The following CDH13 variants were observed in gnomAD, a reference collection of about 807,000 sequenced individuals.
The protein encoded by CDH13 is cadherin 13.
CDH13 carries 24 observed loss-of-function variants against 63.8 expected under a neutral mutation model. That is an observed-to-expected ratio of 0.38 (90% CI 0.27 to 0.53). CDH13 has a LOEUF of 0.53. Among genes scored for constraint, CDH13 ranks in the 20% least tolerant of loss-of-function variants. The probability of loss-of-function intolerance (pLI) is 0.85; values close to 1 mark genes in which losing one functional copy is unlikely to be tolerated. For synonymous variants in CDH13, 503 were observed against 355.3 expected, an observed-to-expected ratio of 1.42 and a Z score of -4.67; for missense variants, 1,049 against 903.1, an observed-to-expected ratio of 1.16 and a Z score of -2.07.
chr16:83,213,587 C>A (rs1275473751), intron 4 of CDH13, among the ~76,000 whole-genome samples: 2 of 152,202 alleles, frequency 1.3e-5, no homozygotes, highest in African/African-American at 4.8e-5. Flanking sequence ...TCTTGGGAAG[C>A]ATGATTGCTT....
chr16:83,386,787 CATG>C (rs921674147), intron 6 of CDH13, among the ~76,000 whole-genome samples: 78 of 152,316 alleles, frequency 5.1e-4, no homozygotes, highest in African/African-American at 1.8e-3. Context: ...GATTCAACAT[CATG>C]ATGATGTCAG....
At chr16:83,629,636 GA>G (rs1355990845) in intron 8 of CDH13, among the ~76,000 whole-genome samples, 3 of 151,928 alleles carry the variant, frequency 2.0e-5, no homozygotes, top group East Asian at 3.9e-4. Context: ...CTTTGCCTTA[GA>G]AAAAAAATTA....
intron 2 of CDH13, among the ~76,000 whole-genome samples, chr16:82,963,909 C>T (rs551086370): frequency 9.3e-4 from 142 of 152,332 alleles, no homozygotes; most frequent in African/African-American, 3.2e-3. Context: ...TAGAGACCCC[C>T]AGCCTGCTCT....
chr16:83,031,807 G>A (rs186333450), intron 2 of CDH13, among the ~76,000 whole-genome samples: 13 of 152,302 alleles, frequency 8.5e-5, no homozygotes, highest in East Asian at 7.7e-4. Context: ...ATGCGAGTTC[G>A]TCAAGGACAT....
intron 4 of CDH13, among the ~76,000 whole-genome samples, chr16:83,210,138 C>A (rs1231198789): frequency 6.6e-6 from 1 of 151,422 alleles, no homozygotes; most frequent in Admixed American, 6.6e-5. Flanking sequence ...GATCTTGGCT[C>A]ACTGCAACCT....
At chr16:82,702,425 C>T (rs1466587759) in intron 1 of CDH13, among the ~76,000 whole-genome samples, 2 of 152,276 alleles carry the variant, frequency 1.3e-5, no homozygotes, top group African/African-American at 2.4e-5. Flanking sequence ...CTGTCTTGTT[C>T]GTCTCAGTGC....
intron 1 of CDH13, among the ~76,000 whole-genome samples, chr16:82,789,328 A>T (rs1202710067): frequency 6.6e-6 from 1 of 152,136 alleles, no homozygotes; most frequent in African/African-American, 2.4e-5. Context: ...GTGATTGTGA[A>T]CTCATGAAGG....
At chr16:82,648,351 T>C (rs1309121383) in intron 1 of CDH13, among the ~76,000 whole-genome samples, 1 of 152,230 alleles carries the variant, frequency 6.6e-6, no homozygotes, top group African/African-American at 2.4e-5. Context: ...GAAATAGTAA[T>C]AATAGCCAAC....
intron 10 of CDH13, among the ~76,000 whole-genome samples, chr16:83,746,562 C>G (rs1002765284): frequency 1.3e-5 from 2 of 152,112 alleles, no homozygotes; most frequent in South Asian, 4.1e-4. Context: ...TTGCTCCAAG[C>G]CCTTCAGTTG....
At chr16:82,943,328 C>T (rs576096923) in intron 2 of CDH13, among the ~76,000 whole-genome samples, 15 of 152,234 alleles carry the variant, frequency 9.9e-5, no homozygotes, top group African/African-American at 3.6e-4. Flanking sequence ...TAGATCAGTT[C>T]TCATAATGTA....
At chr16:83,199,758 A>T (rs1314260653) in intron 4 of CDH13, among the ~76,000 whole-genome samples, 1 of 152,200 alleles carries the variant, frequency 6.6e-6, no homozygotes, top group Non-Finnish European at 1.5e-5. Context: ...TTAGGGATGC[A>T]GTTCCATTCT....
chr16:82,879,935 A>G (rs1403984104), intron 2 of CDH13, among the ~76,000 whole-genome samples: 1 of 130,414 alleles, frequency 7.7e-6, no homozygotes, highest in Non-Finnish European at 1.6e-5. Flanking sequence ...AGAAATATAT[A>G]ATATATATTA....
intron 6 of CDH13, among the ~76,000 whole-genome samples, chr16:83,385,081 G>T (rs1044638666): frequency 7.2e-5 from 11 of 152,170 alleles, no homozygotes; most frequent in Non-Finnish European, 1.5e-5. Context: ...AATGTAATGG[G>T]TCATGAAATT....
chr16:83,196,596 C>A (rs2038886396), intron 4 of CDH13, among the ~76,000 whole-genome samples: 2 of 152,048 alleles, frequency 1.3e-5, no homozygotes, highest in South Asian at 4.1e-4. Flanking sequence ...CAGCAGAAAA[C>A]CCCAATCAAC....
intron 6 of CDH13, among the ~76,000 whole-genome samples, chr16:83,372,405 A>C (rs1271850295): frequency 6.6e-6 from 1 of 152,060 alleles, no homozygotes; most frequent in South Asian, 2.1e-4. Context: ...TTCTTCCCCA[A>C]ATTCAGTGCA....
intron 7 of CDH13, among the ~76,000 whole-genome samples, chr16:83,508,119 A>AAGGAAGGAAGGAAGGAAGGAAGGGAGGG: frequency 1.3e-5 from 1 of 75,492 alleles, no homozygotes. Flanking sequence ...AAAAGGAAGG[A>AAGGAAGGAAGGAAGGAAGGAAGGGAGGG]AGGGAGGAAG....
At chr16:83,031,549 A>G (rs1035063299) in intron 2 of CDH13, among the ~76,000 whole-genome samples, 3 of 151,744 alleles carry the variant, frequency 2.0e-5, no homozygotes, top group African/African-American at 7.3e-5. Context: ...GTGCCTTTGA[A>G]TAGCCTATAA....
At chr16:83,235,058 A>C (rs959678072) in intron 5 of CDH13, among the ~76,000 whole-genome samples, 19 of 152,176 alleles carry the variant, frequency 1.2e-4, no homozygotes, top group African/African-American at 4.6e-4. Context: ...TAAATAAATT[A>C]GCACGGTGTG....
chr16:82,837,276 G>T (rs746628398), intron 1 of CDH13, among the ~76,000 whole-genome samples: 7 of 152,288 alleles, frequency 4.6e-5, no homozygotes, highest in African/African-American at 7.2e-5. Context: ...TGAGCATGGG[G>T]AGAGCTTGCC....
Sources: gnomAD v4.1 joint callset for allele counts (sites outside exome capture counted in the v4.1 genomes callset) on GRCh38, gnomAD v4.1.1 for gene constraint, MANE v1.5 for transcripts, NCBI Gene and HGNC (gene_info 2026-07-23, HGNC 2026-07-21) for gene names.